Variants in HPS4 observed in about 807,000 individuals in gnomAD.
HPS4 encodes the protein HPS4 biogenesis of lysosomal organelles complex 3 subunit 2, also known as BLOC-3 complex member HPS4.
In HPS4, 44 loss-of-function variants were observed where a neutral mutation model predicts 70.3. That is an observed-to-expected ratio of 0.63 (90% CI 0.49 to 0.80). HPS4 has a LOEUF of 0.80. HPS4 is among the 30% of genes least tolerant of loss of function. The pLI, the probability that HPS4 is intolerant of heterozygous loss-of-function variation, is 0.00. For synonymous variants in HPS4, 377 were observed against 355.9 expected, an observed-to-expected ratio of 1.06 and a Z score of -0.67; for missense variants, 873 against 884.4, an observed-to-expected ratio of 0.99 and a Z score of 0.16.
intron 7 of HPS4, among the ~76,000 whole-genome samples, chr22:26,470,063 G>A (rs565256579): frequency 6.6e-6 from 1 of 152,382 alleles, no homozygotes; most frequent in South Asian, 2.1e-4. Context: ...CATTTACACA[G>A]TAGTTGCCTG....
At chr22:26,476,739 C>A in intron 4 of HPS4, 4 of 474,562 alleles carry the variant, frequency 8.4e-6, no homozygotes, top group Non-Finnish European at 1.5e-5. Context: ...AGAATTTCCA[C>A]AAGTTGGCCT....
Position 26,452,438 on chromosome 22 carries a change from TA to T in HPS4, c.*794del, listed in dbSNP as rs1390306889. The T allele has an allele frequency of 8.9e-6, 4 of 449,512 alleles. No homozygotes were observed. The highest frequency in any genetic ancestry group is 8.1e-5 in the African/African-American group (4 of 49,610). The allele number at this position is 449,512 out of a possible 1,614,324, so 27.8% of individuals were successfully genotyped here. On this transcript the variant is annotated 3_prime_UTR_variant, in exon 14 of 14. Coordinates refer to ENST00000398145, the MANE Select transcript of HPS4 (RefSeq NM_022081.6). ...AGTGCTTTTACCCCCAGACATCTTG[TA>T]AACTCCTATTTAGGGACACTCGCTC...
chr22:26,482,547 T>A (rs1483964965), intron 1 of HPS4, among the ~76,000 whole-genome samples: 1 of 152,152 alleles, frequency 6.6e-6, no homozygotes, highest in African/African-American at 2.4e-5. Flanking sequence ...TAAGGAACTG[T>A]CATCTTGACA....
downstream of HPS4, among the ~76,000 whole-genome samples, chr22:26,449,168 G>A (rs1165234448): frequency 2.6e-5 from 4 of 152,116 alleles, no homozygotes; most frequent in African/African-American, 9.6e-5. Flanking sequence ...GCCCAGGCTC[G>A]TCTGCCCATT....
chr22:26,473,009 C>G (rs1254458688), intron 4 of HPS4, 70 bp from the exon 5 acceptor site: 1 of 1,363,028 alleles, frequency 7.3e-7, no homozygotes, highest in Non-Finnish European at 1.0e-6. Flanking sequence ...ATCCTGGCAT[C>G]CAGGGCTCTC....
chr22:26,443,164 C>G, downstream of HPS4: 3 of 1,614,116 alleles, frequency 1.9e-6, no homozygotes, highest in Non-Finnish European at 1.7e-6. Context: ...TCGCAGCGGC[C>G]GAACGGCAGG....
Position 26,465,523 on chromosome 22 carries a change from A to T in HPS4, c.735T>A (p.Ile245=). 6.2e-7 allele frequency: 1 copy of T among 1,614,150 alleles called. No homozygotes were observed. Among genetic ancestry groups the T allele is most frequent in the Non-Finnish European group, 8.5e-7 (1 of 1,179,990 alleles). Residue 245 remains isoleucine (I), a synonymous_variant, in exon 10 of 14, where the codon ATT becomes ATA. Coordinates refer to ENST00000398145, the MANE Select transcript of HPS4 (RefSeq NM_022081.6). ...CCTCTTTGGTCACAAAAACAGGGAT[A>T]ATCTGGACATTCGGGGGCAATGCCG... The part of the protein sequence containing the change: ...HGAALPPNVQ[I]IPVFVTKEEA...
chr22:26,453,957 C>T (rs772465081), intron 13 of HPS4: 18 of 164,114 alleles, frequency 1.1e-4, no homozygotes, highest in Non-Finnish European at 2.1e-4. Flanking sequence ...GGATGTGACA[C>T]GAAGTGACAG....
intron 11 of HPS4, among the ~76,000 whole-genome samples, chr22:26,459,508 A>AGT (rs1169529314): frequency 1.3e-5 from 2 of 152,148 alleles, no homozygotes; most frequent in Non-Finnish European, 2.9e-5. Context: ...ATGGCTGTGC[A>AGT]GTGTTCCTCA....
Position 26,451,062 on chromosome 22 carries a change from G to A in HPS4, c.*2171C>T, listed in dbSNP as rs1013987506. 1.1e-4 allele frequency among the ~76,000 whole-genome samples: 16 copies of A among 152,204 alleles called. No individual in the cohort carries two copies. The highest frequency in any genetic ancestry group is 2.1e-4 in the South Asian group (1 of 4,828). On this transcript the variant is annotated 3_prime_UTR_variant, in exon 14 of 14. Coordinates refer to ENST00000398145, the MANE Select transcript of HPS4 (RefSeq NM_022081.6). ...CCCTGAAGAGTCACTAGAATCTGTG[G>A]TCCTGGATCACTGACAGTGGCACTC... is the stretch of plus-strand genomic sequence containing the variant.
At chr22:26,458,602 G>A (rs1209947908) in intron 11 of HPS4, 25 bp from the exon 12 acceptor site, 2 of 1,613,644 alleles carry the variant, frequency 1.2e-6, no homozygotes, top group Admixed American at 1.7e-5. Context: ...AGGGTCATGG[G>A]CTTGTAGGGC....
At chr22:26,448,901 TCA>T (rs1288009655), downstream of HPS4, among the ~76,000 whole-genome samples, 1 of 152,182 alleles carries the variant, frequency 6.6e-6, no homozygotes, top group African/African-American at 2.4e-5. Context: ...CCCTGTCTCC[TCA>T]CAGAGAGCCG....
intron 13 of HPS4, chr22:26,453,624 G>A (rs769525247): frequency 1.5e-4 from 90 of 593,074 alleles, no homozygotes; most frequent in African/African-American, 3.5e-4. Context: ...GGAAGAGTCC[G>A]TGGCGGGACC....
At chr22:26,468,966 A>G (rs567679064) in intron 7 of HPS4, among the ~76,000 whole-genome samples, 1 of 152,372 alleles carries the variant, frequency 6.6e-6, no homozygotes, top group East Asian at 1.9e-4. Flanking sequence ...CAGTCCTCAT[A>G]AGAATGAGGT....
In HPS4 at chr22:26,483,772, C is replaced by A; in HGVS notation, c.-577G>T. 1.5e-6 allele frequency: 1 copy of A among 661,608 alleles called. No homozygotes were observed. Among genetic ancestry groups the A allele is most frequent in the Non-Finnish European group, 2.2e-6 (1 of 457,320 alleles). The allele number at this position is 661,608 out of a possible 1,614,324, so 41.0% of individuals were successfully genotyped here. On this transcript the variant is annotated 5_prime_UTR_variant, in exon 1 of 14. Transcript: ENST00000398145. Reference sequence around the variant, plus strand: ...GCGACTTCTGCCCCGTACCTGCGCGCGCGGCAGAGAGGCCTTAGGTCACGC... The same window carrying A: ...GCGACTTCTGCCCCGTACCTGCGCGAGCGGCAGAGAGGCCTTAGGTCACGC...
intron 8 of HPS4, chr22:26,467,942 A>C (rs1005518116): frequency 6.6e-6 from 1 of 152,052 alleles, no homozygotes; most frequent in Non-Finnish European, 1.5e-5. Context: ...CACTCTTGCT[A>C]CCCAGGCTGG....
chr22:26,466,148 C>T (rs376031625), intron 9 of HPS4, 78 bp downstream of exon 9: 1 of 1,612,130 alleles, frequency 6.2e-7, no homozygotes, highest in Non-Finnish European at 8.5e-7. Flanking sequence ...GCTTGGTTTC[C>T]TTCGCATAAC....
rs775228110 is a variant in HPS4, at chr22:26,454,924, T to C, written c.1956-1520A>G. 4.5e-3 allele frequency among the ~76,000 whole-genome samples: 677 copies of C among 151,750 alleles called. 4 individuals are homozygous for C. The highest frequency in any genetic ancestry group is 6.8e-3 in the Non-Finnish European group (463 of 67,880). On this transcript the variant is annotated intron_variant, in intron 13 of 13. Coordinates refer to ENST00000398145, the MANE Select transcript of HPS4 (RefSeq NM_022081.6). ...ACCCCATCAAAAAGTGGGCGAAGGA[T>C]ATGAACAGACACTTCTCAAAAGAAG... is the stretch of plus-strand genomic sequence containing the variant.
intron 13 of HPS4, among the ~76,000 whole-genome samples, chr22:26,456,170 A>G (rs2086103394): frequency 6.6e-6 from 1 of 152,224 alleles, no homozygotes; most frequent in South Asian, 2.1e-4. Flanking sequence ...GCTCCCTGTC[A>G]GTCCACCACC....
Sources: gnomAD v4.1 joint callset for allele counts (sites outside exome capture counted in the v4.1 genomes callset) on GRCh38, gnomAD v4.1.1 for gene constraint, MANE v1.5 for transcripts, NCBI Gene and HGNC (gene_info 2026-07-23, HGNC 2026-07-21) for gene names.